Variants in OPCML observed in about 807,000 individuals in gnomAD.
The protein encoded by OPCML is opioid-binding protein/cell adhesion molecule.
In OPCML, 13 loss-of-function variants were observed where a neutral mutation model predicts 37.8. That is an observed-to-expected ratio of 0.34 (90% CI 0.22 to 0.55). The LOEUF (loss-of-function observed/expected upper bound fraction) is 0.55, where lower values mean the gene tolerates loss of function less well. Ranked by LOEUF, OPCML falls within the 20% of genes least tolerant of loss-of-function variation. The pLI is 0.91. For synonymous variants in OPCML, 176 were observed against 168.8 expected, an observed-to-expected ratio of 1.04 and a Z score of -0.33; for missense variants, 341 against 435.6, an observed-to-expected ratio of 0.78 and a Z score of 1.93.
intron 1 of OPCML, chr11:133,361,594 G>GGCGCCT (rs1944421930): frequency 6.1e-6 from 1 of 163,118 alleles, no homozygotes; most frequent in African/African-American, 2.4e-5. Flanking sequence ...GCTATTCCGG[G>GGCGCCT]GCACCTGCAG....
chr11:133,189,691 C>G (rs1288930162), intron 1 of OPCML, among the ~76,000 whole-genome samples: 2 of 152,156 alleles, frequency 1.3e-5, no homozygotes, highest in Non-Finnish European at 2.9e-5. Context: ...ATCATTGTAT[C>G]TGCTGGCCAC....
intron 3 of OPCML, among the ~76,000 whole-genome samples, chr11:132,566,765 T>G (rs2096424167): frequency 6.6e-6 from 1 of 152,166 alleles, no homozygotes; most frequent in Non-Finnish European, 1.5e-5. Context: ...TGGAGAAACC[T>G]AACCAATCTT....
chr11:132,720,644 G>A (rs1445999349), intron 2 of OPCML, among the ~76,000 whole-genome samples: 1 of 152,188 alleles, frequency 6.6e-6, no homozygotes, highest in Non-Finnish European at 1.5e-5. Context: ...AATTTATTCT[G>A]GATGGAATTA....
chr11:132,779,563 C>G (rs2725461), intron 2 of OPCML, among the ~76,000 whole-genome samples: 149,440 of 150,302 alleles, frequency 0.99, 74,292 homozygotes, highest in South Asian at 1. Flanking sequence ...AGAAGGGGGG[C>G]GTGGGGAGAG....
At position 132,958,715 on chromosome 11, in the gene OPCML, T is replaced by C. The variant is rs1591847659; in HGVS notation, c.62-15705A>G. ...AATCATGCCAAATCTACTCTTCCTG[T>C]GCTCCATAAATGGAACAACAGAGCC... On this transcript the variant is annotated intron_variant, in intron 1 of 7. Transcript: ENST00000524381. Among the ~76,000 whole-genome samples the C allele has an allele frequency of 2.6e-5, 4 of 152,366 alleles. No individual in the cohort carries two copies. In the South Asian group the frequency reaches 8.3e-4, roughly 32 times the overall value.
intron 1 of OPCML, among the ~76,000 whole-genome samples, chr11:133,166,275 G>C (rs1369437960): frequency 6.6e-6 from 1 of 152,172 alleles, no homozygotes; most frequent in East Asian, 1.9e-4. Context: ...ATTCCTAGGT[G>C]CTAGGAGCTG....
intron 7 of OPCML, among the ~76,000 whole-genome samples, chr11:132,424,410 T>G (rs1265536880): frequency 6.6e-6 from 1 of 152,206 alleles, no homozygotes; most frequent in Non-Finnish European, 1.5e-5. Flanking sequence ...TAAGCCACCA[T>G]GCCCGGCTGA....
chr11:133,527,852 T>A (rs1441766714), intron 1 of OPCML, among the ~76,000 whole-genome samples: 1 of 152,170 alleles, frequency 6.6e-6, no homozygotes, highest in East Asian at 1.9e-4. Flanking sequence ...GCTTTCAGCA[T>A]ACTTAGAGGT....
chr11:133,444,663 T>C (rs1946433837), intron 1 of OPCML, among the ~76,000 whole-genome samples: 2 of 152,192 alleles, frequency 1.3e-5, no homozygotes, highest in Admixed American at 6.5e-5. Flanking sequence ...TAATCAATAA[T>C]AAATACTAAG....
chr11:133,162,725 G>A (rs543987664), intron 1 of OPCML, among the ~76,000 whole-genome samples: 2 of 144,218 alleles, frequency 1.4e-5, no homozygotes, highest in East Asian at 4.0e-4. Flanking sequence ...CGGAAAGATA[G>A]CAGAGGCTAG....
At chr11:133,446,020 T>C (rs1254304073) in intron 1 of OPCML, among the ~76,000 whole-genome samples, 1 of 152,164 alleles carries the variant, frequency 6.6e-6, no homozygotes, top group Non-Finnish European at 1.5e-5. Context: ...CCTACCTCCC[T>C]GGGATAGGAT....
At chr11:132,732,961 C>A (rs1945129642) in intron 2 of OPCML, among the ~76,000 whole-genome samples, 1 of 152,108 alleles carries the variant, frequency 6.6e-6, no homozygotes. Flanking sequence ...TAAAAGGAGA[C>A]ACACTAAATA....
intron 1 of OPCML, among the ~76,000 whole-genome samples, chr11:133,465,820 G>A (rs534742204): frequency 1.3e-3 from 201 of 152,230 alleles, no homozygotes; most frequent in African/African-American, 4.7e-3. Flanking sequence ...GGCAATCCAT[G>A]CAAAATATGT....
chr11:132,612,506 C>A (rs952722433), intron 3 of OPCML, among the ~76,000 whole-genome samples: 1 of 152,134 alleles, frequency 6.6e-6, no homozygotes, highest in African/African-American at 2.4e-5. Flanking sequence ...CTGATTCAGT[C>A]ATACTCCATT....
intron 2 of OPCML, chr11:132,771,963 A>G (rs1426501636): frequency 1.3e-5 from 2 of 152,242 alleles, no homozygotes; most frequent in African/African-American, 2.4e-5. Flanking sequence ...CAGCTCAGGA[A>G]GGAGCCAGGA....
chr11:133,231,961 A>G (rs1940298768), intron 1 of OPCML, among the ~76,000 whole-genome samples: 1 of 61,792 alleles, frequency 1.6e-5, no homozygotes, highest in Non-Finnish European at 3.0e-5. Flanking sequence ...AGGGCAATGG[A>G]CACATGATGT....
intron 2 of OPCML, among the ~76,000 whole-genome samples, chr11:132,824,867 C>T (rs547161297): frequency 1.5e-4 from 23 of 152,154 alleles, no homozygotes; most frequent in Non-Finnish European, 3.1e-4. Flanking sequence ...ACAAGCCCTT[C>T]AGTTTATCCA....
chr11:132,690,195 C>G (rs185951102), intron 2 of OPCML, among the ~76,000 whole-genome samples: 77 of 152,260 alleles, frequency 5.1e-4, no homozygotes, highest in African/African-American at 1.8e-3. Context: ...CCACCTCAGT[C>G]TCACAAAGAG....
chr11:132,954,103 C>A (rs1945922809), intron 1 of OPCML, among the ~76,000 whole-genome samples: 1 of 151,286 alleles, frequency 6.6e-6, no homozygotes, highest in African/African-American at 2.4e-5. Context: ...TTCACTACTT[C>A]ATTCAAACAT....
Sources: gnomAD v4.1 joint callset for allele counts (sites outside exome capture counted in the v4.1 genomes callset) on GRCh38, gnomAD v4.1.1 for gene constraint, MANE v1.5 for transcripts, NCBI Gene and HGNC (gene_info 2026-07-23, HGNC 2026-07-21) for gene names.